Variants in CNTN4 observed in about 807,000 individuals in gnomAD.
The protein encoded by CNTN4 is contactin-4.
In CNTN4, 77 loss-of-function variants were observed where a neutral mutation model predicts 122.5. The observed-to-expected ratio is 0.63, with a 90% CI of 0.52 to 0.76. CNTN4 has a LOEUF of 0.76. Ranked by LOEUF, CNTN4 falls within the 30% of genes least tolerant of loss-of-function variation. CNTN4 has a pLI of 0.00. For synonymous variants in CNTN4, 512 were observed against 447.0 expected (o/e 1.15, Z -1.83); for missense variants, 1,256 against 1,259.1 (o/e 1.00, Z 0.04).
Position 2,729,417 on chromosome 3 carries a change from C to A in CNTN4, c.56-6798C>A, listed in dbSNP as rs1185671319. On this transcript the variant is annotated intron_variant, in intron 4 of 24. Transcript: ENST00000418658. ...AAAATTAGCCGGGCGTGGTGGCAGG[C>A]GCCTGTATTTCCAGCTACTCGGGAG... 1.3e-5 allele frequency among the ~76,000 whole-genome samples: 2 copies of A among 150,714 alleles called. 1 individual carries two copies. The highest frequency in any genetic ancestry group is 2.9e-5 in the Non-Finnish European group (2 of 67,862).
intron 2 of CNTN4, among the ~76,000 whole-genome samples, chr3:2,308,781 G>A (rs1462767022): frequency 6.6e-6 from 1 of 151,980 alleles, no homozygotes; most frequent in African/African-American, 2.4e-5. Context: ...TAAACTCATT[G>A]AAGTTTGTTG....
At chr3:2,276,715 G>T (rs1285874383) in intron 2 of CNTN4, among the ~76,000 whole-genome samples, 8 of 151,992 alleles carry the variant, frequency 5.3e-5, no homozygotes, top group Admixed American at 5.2e-4. Context: ...GTAGACCAAG[G>T]GATTTGTCTG....
chr3:2,388,796 G>C (rs2046338870), intron 3 of CNTN4, among the ~76,000 whole-genome samples: 1 of 151,206 alleles, frequency 6.6e-6, no homozygotes, highest in Non-Finnish European at 1.5e-5. Context: ...AGTGAACCGA[G>C]ATCTCACCAC....
chr3:2,225,155 A>AG (rs140444016), intron 2 of CNTN4, among the ~76,000 whole-genome samples: 1 of 148,484 alleles, frequency 6.7e-6, no homozygotes, highest in Non-Finnish European at 1.5e-5. Context: ...TGTACCCACC[A>AG]CCCCCAAAAA....
In CNTN4 at chr3:2,579,795, T is replaced by C. The variant is rs534507700; in HGVS notation, c.55+8237T>C. On this transcript the variant is annotated intron_variant, in intron 4 of 24. Coordinates refer to ENST00000418658, the MANE Select transcript of CNTN4 (RefSeq NM_175607.3). ...AATATATGTTAATGTTTATGTTAAA[T>C]GTTAAATAGCTTAGTTTGAAGGTAA... Among the ~76,000 whole-genome samples, 9 of 152,330 alleles carry C rather than the reference T, an allele frequency of 5.9e-5. No homozygotes were observed. The East Asian group carries it at 1.7e-3, about 29-fold the overall frequency.
intron 4 of CNTN4, among the ~76,000 whole-genome samples, chr3:2,664,875 C>T (rs568617399): frequency 6.6e-6 from 1 of 152,146 alleles, no homozygotes; most frequent in African/African-American, 2.4e-5. Context: ...AGAAAGATGT[C>T]TCCTTTCCAC....
chr3:3,031,113 C>A, intron 16 of CNTN4, 138 bp downstream of exon 16: 2 of 1,137,038 alleles, frequency 1.8e-6, no homozygotes, highest in African/African-American at 1.5e-5. Context: ...CAGTGGCTAA[C>A]AGTCCACAGA....
At chr3:2,756,054 GAA>G (rs373345497) in intron 6 of CNTN4, among the ~76,000 whole-genome samples, 46 of 152,258 alleles carry the variant, frequency 3.0e-4, no homozygotes, top group Non-Finnish European at 5.0e-4. Flanking sequence ...CTGAATGATT[GAA>G]AATGTCACAA....
intron 8 of CNTN4, among the ~76,000 whole-genome samples, chr3:2,871,597 G>T (rs1479204005): frequency 6.6e-6 from 1 of 152,036 alleles, no homozygotes; most frequent in Non-Finnish European, 1.5e-5. Context: ...TAGGCACTTA[G>T]AGATCATGCA....
chr3:2,893,000 G>GA (rs1020247348), intron 10 of CNTN4, among the ~76,000 whole-genome samples: 5 of 152,088 alleles, frequency 3.3e-5, no homozygotes, highest in African/African-American at 4.8e-5. Context: ...TAGGTAAGGT[G>GA]AAAAAAATCC....
intron 2 of CNTN4, among the ~76,000 whole-genome samples, chr3:2,256,240 G>A (rs35077688): frequency 5.9e-5 from 9 of 152,122 alleles, no homozygotes; most frequent in Non-Finnish European, 1.2e-4. Flanking sequence ...GACTAAACCA[G>A]GAAGAAGTCA....
Position 3,056,289 on chromosome 3 carries a change from C to T in CNTN4, c.*69C>T, listed in dbSNP as rs1167725851. On this transcript the variant is annotated 3_prime_UTR_variant, in exon 25 of 25. Transcript: ENST00000418658. The stretch of plus-strand genomic sequence containing the variant: ...TTTAGCTAGTTGTTTTGAAGACACC[C>T]AGTACTAAGTAATATTGTTGTTCAA... 2 of 1,096,806 alleles carry T rather than the reference C, an allele frequency of 1.8e-6. No homozygotes were observed. Among genetic ancestry groups the T allele is most frequent in the South Asian group, 2.5e-5 (2 of 79,882 alleles). The allele number at this position is 1,096,806 out of a possible 1,614,324, so 67.9% of individuals were successfully genotyped here.
chr3:2,658,150 TG>T (rs1366721941), intron 4 of CNTN4, among the ~76,000 whole-genome samples: 2 of 151,384 alleles, frequency 1.3e-5, no homozygotes, highest in East Asian at 1.9e-4. Context: ...GCCTGTGCCC[TG>T]GGGTGGACCC....
At chr3:2,401,378 A>G (rs913072150) in intron 3 of CNTN4, among the ~76,000 whole-genome samples, 4 of 152,100 alleles carry the variant, frequency 2.6e-5, no homozygotes, top group East Asian at 1.9e-4. Flanking sequence ...AGATCGATCT[A>G]CTCGTCCCTG....
chr3:2,390,197 A>G lies in CNTN4; in HGVS notation c.-89+50964A>G, dbSNP rs544235887. Among the ~76,000 whole-genome samples, 10 of 147,958 alleles carry G rather than the reference A, an allele frequency of 6.8e-5. No homozygotes were observed. The South Asian group carries it at 1.1e-3, about 16-fold the overall frequency. On this transcript the variant is annotated intron_variant, in intron 3 of 24. Transcript: ENST00000418658. ...ATGTCATGTCTGAAACTTACTGTCA[A>G]TGGGTTTAGGAAAAAAGAGTGTGTG...
At chr3:2,999,844 G>A (rs1695869457) in intron 14 of CNTN4, among the ~76,000 whole-genome samples, 1 of 152,110 alleles carries the variant, frequency 6.6e-6, no homozygotes, top group Admixed American at 6.5e-5. Context: ...TGTCAATGGG[G>A]GAATGAAATC....
chr3:2,244,262 A>G (rs904381781), intron 2 of CNTN4, among the ~76,000 whole-genome samples: 3 of 152,200 alleles, frequency 2.0e-5, no homozygotes, highest in East Asian at 1.9e-4. Flanking sequence ...TCTCTCTGTC[A>G]TCTCAAAATA....
chr3:2,642,210 A>G (rs927061162), intron 4 of CNTN4, among the ~76,000 whole-genome samples: 5 of 152,184 alleles, frequency 3.3e-5, no homozygotes, highest in Non-Finnish European at 7.3e-5. Context: ...TTGCAGTACA[A>G]TGTTTGAAGG....
intron 7 of CNTN4, among the ~76,000 whole-genome samples, chr3:2,826,039 AG>A (rs1487664809): frequency 1.3e-5 from 2 of 152,220 alleles, no homozygotes; most frequent in African/African-American, 4.8e-5. Context: ...TCCCATAAGA[AG>A]TAAGGACATG....
Sources: allele counts gnomAD v4.1 joint callset (sites outside exome capture counted in the v4.1 genomes callset), GRCh38; gene constraint gnomAD v4.1.1; transcripts MANE v1.5; gene names NCBI Gene and HGNC (gene_info 2026-07-23, HGNC 2026-07-21).